The following ATRNL1 variants were observed in gnomAD, a reference collection of about 807,000 sequenced individuals.
ATRNL1 encodes attractin-like protein 1.
ATRNL1 carries 95 observed loss-of-function variants against 182.7 expected under a neutral mutation model. That is an observed-to-expected ratio of 0.52 (90% CI 0.44 to 0.62). ATRNL1 has a LOEUF of 0.62. ATRNL1 is among the 20% of genes least tolerant of loss of function. The pLI is 0.00. For synonymous variants in ATRNL1, 576 were observed against 568.3 expected (o/e 1.01, Z -0.19); for missense variants, 1,471 against 1,679.5 (o/e 0.88, Z 2.17).
chr10:115,100,404 A>C (rs536042132), intron 1 of ATRNL1, among the ~76,000 whole-genome samples: 1 of 152,022 alleles, frequency 6.6e-6, no homozygotes, highest in Admixed American at 6.5e-5. Flanking sequence ...TTTTACATTT[A>C]TATTTATGGT....
At chr10:115,151,494 G>T (rs1416592780) in intron 5 of ATRNL1, among the ~76,000 whole-genome samples, 1 of 152,144 alleles carries the variant, frequency 6.6e-6, no homozygotes, top group Non-Finnish European at 1.5e-5. Flanking sequence ...ATTTTTTCAT[G>T]TGTCTGTTGA....
chr10:115,786,049 A>G (rs2134200736), intron 27 of ATRNL1, among the ~76,000 whole-genome samples: 1 of 152,274 alleles, frequency 6.6e-6, no homozygotes, highest in East Asian at 1.9e-4. Flanking sequence ...CAATTTATAT[A>G]TTCTTTAAGC....
In ATRNL1 at chr10:115,461,541, G is replaced by A. The variant is rs193180201; in HGVS notation, c.3323-400G>A. Among the ~76,000 whole-genome samples, 173 of 151,914 alleles carry A rather than the reference G, an allele frequency of 1.1e-3. 1 individual carries two copies. The highest frequency in any genetic ancestry group is 4.0e-3 in the African/African-American group (164 of 41,406). On this transcript the variant is annotated intron_variant, in intron 21 of 28. Coordinates refer to ENST00000355044, the MANE Select transcript of ATRNL1 (RefSeq NM_207303.4). ...ATTTTGAGTTTGTGAAAGTTACAAA[G>A]TTTTATGAAAATGTCTATCTTTACA...
intron 17 of ATRNL1, among the ~76,000 whole-genome samples, chr10:115,302,882 C>G (rs1853545710): frequency 1.3e-5 from 2 of 152,154 alleles, no homozygotes; most frequent in Admixed American, 6.5e-5. Context: ...CCAATCTTAG[C>G]TAGCTTCTTC....
chr10:115,474,681 A>C (rs1379402069), intron 24 of ATRNL1, among the ~76,000 whole-genome samples: 1 of 151,386 alleles, frequency 6.6e-6, no homozygotes, highest in Non-Finnish European at 1.5e-5. Context: ...TTTTTAAAGC[A>C]TCCACTAAGT....
intron 26 of ATRNL1, among the ~76,000 whole-genome samples, chr10:115,693,858 A>G (rs782818440): frequency 1.3e-5 from 2 of 152,116 alleles, no homozygotes; most frequent in Non-Finnish European, 2.9e-5. Context: ...GCGCCCTGCA[A>G]TATATACAGT....
At chr10:115,363,795 T>C (rs1354885149) in intron 19 of ATRNL1, among the ~76,000 whole-genome samples, 1 of 148,452 alleles carries the variant, frequency 6.7e-6, no homozygotes, top group East Asian at 2.0e-4. Flanking sequence ...CCATTGCTTG[T>C]TTTTCTCAGG....
intron 9 of ATRNL1, among the ~76,000 whole-genome samples, chr10:115,226,613 A>T (rs1849708949): frequency 6.6e-6 from 1 of 152,122 alleles, no homozygotes; most frequent in Non-Finnish European, 1.5e-5. Flanking sequence ...AAGAGCCCGA[A>T]TAACCAAAGC....
At chr10:115,116,308 A>G (rs1359000422) in intron 1 of ATRNL1, among the ~76,000 whole-genome samples, 2 of 152,144 alleles carry the variant, frequency 1.3e-5, no homozygotes, top group African/African-American at 4.8e-5. Flanking sequence ...AACTTGGAAT[A>G]TGTATTAGAA....
chr10:115,215,375 A>G (rs1454963230), intron 8 of ATRNL1, among the ~76,000 whole-genome samples: 1 of 152,146 alleles, frequency 6.6e-6, no homozygotes, highest in Non-Finnish European at 1.5e-5. Context: ...CTCTCAAAAT[A>G]TTTGTTAAAA....
intron 19 of ATRNL1, among the ~76,000 whole-genome samples, chr10:115,392,188 A>G (rs1554954510): frequency 1.3e-5 from 2 of 152,144 alleles, no homozygotes; most frequent in Admixed American, 6.6e-5. Context: ...AATCACCACC[A>G]TAATCTTTTG....
At chr10:115,713,409 C>T (rs149247308) in intron 26 of ATRNL1, among the ~76,000 whole-genome samples, 100 of 148,284 alleles carry the variant, frequency 6.7e-4, no homozygotes, top group Middle Eastern at 3.4e-3. Context: ...GAGAATAATG[C>T]GGAGAAAAAC....
chr10:115,292,369 C>G (rs1300705868), intron 15 of ATRNL1, among the ~76,000 whole-genome samples: 1 of 151,468 alleles, frequency 6.6e-6, no homozygotes, highest in Non-Finnish European at 1.5e-5. Context: ...ATCATGATTG[C>G]CATGATCTTT....
At chr10:115,128,826 C>CAAA (rs369416130) in intron 4 of ATRNL1, among the ~76,000 whole-genome samples, 1 of 110,546 alleles carries the variant, frequency 9.0e-6, no homozygotes, top group African/African-American at 3.3e-5. Flanking sequence ...GACTGTGTCT[C>CAAA]AAAAAAAAAA....
At chr10:115,664,282 T>C (rs11197393) in intron 26 of ATRNL1, among the ~76,000 whole-genome samples, 1,769 of 152,276 alleles carry the variant, frequency 0.012, 36 homozygotes, top group African/African-American at 0.04. Flanking sequence ...GTTTTAAAAG[T>C]AGTAACAGCT....
intron 26 of ATRNL1, among the ~76,000 whole-genome samples, chr10:115,567,317 T>C (rs1854127147): frequency 1.3e-5 from 2 of 152,170 alleles, no homozygotes; most frequent in Admixed American, 1.3e-4. Flanking sequence ...TCCTTTAATA[T>C]GTGTGGTAAA....
At chr10:115,530,051 T>C (rs1198972388) in intron 25 of ATRNL1, among the ~76,000 whole-genome samples, 1 of 152,188 alleles carries the variant, frequency 6.6e-6, no homozygotes, top group Non-Finnish European at 1.5e-5. Flanking sequence ...GTAGTATGGA[T>C]CAGTACTTTG....
chr10:115,563,558 T>G (rs1853889640), intron 26 of ATRNL1, among the ~76,000 whole-genome samples: 1 of 152,084 alleles, frequency 6.6e-6, no homozygotes, highest in Non-Finnish European at 1.5e-5. Context: ...TCTCATGAGC[T>G]TTTAAAATAT....
At chr10:115,594,000 ATAT>A (rs1464210049) in intron 26 of ATRNL1, among the ~76,000 whole-genome samples, 5 of 152,104 alleles carry the variant, frequency 3.3e-5, no homozygotes, top group African/African-American at 9.6e-5. Flanking sequence ...ACTCTAAAAC[ATAT>A]TATTAGGTCA....
Sources: allele counts gnomAD v4.1 joint callset (sites outside exome capture counted in the v4.1 genomes callset), GRCh38; gene constraint gnomAD v4.1.1; transcripts MANE v1.5; gene names NCBI Gene and HGNC (gene_info 2026-07-23, HGNC 2026-07-21).